Variants in BCAR3 observed in about 807,000 individuals in gnomAD.
BCAR3 encodes breast cancer anti-estrogen resistance protein 3.
Under a neutral mutation model 80.1 loss-of-function variants are expected in BCAR3, and 37 were observed. The observed-to-expected ratio is 0.46, with a 90% CI of 0.36 to 0.61. The LOEUF is 0.61. BCAR3 is among the 20% of genes least tolerant of loss of function. The pLI is 0.00. For missense variants in BCAR3, 978 were observed against 1,068.2 expected (o/e 0.92, Z 1.18); for synonymous variants, 389 against 418.9 (o/e 0.93, Z 0.87).
upstream of BCAR3, among the ~76,000 whole-genome samples, chr1:93,685,382 T>C (rs1648940650): frequency 6.6e-6 from 1 of 152,078 alleles, no homozygotes; most frequent in African/African-American, 2.4e-5. Flanking sequence ...TATGTGTGTG[T>C]GCGAGTGTTA....
intron 2 of BCAR3, among the ~76,000 whole-genome samples, chr1:93,769,355 ATGTG>A (rs59798936): frequency 0.098 from 11,699 of 119,722 alleles, 502 homozygotes; most frequent in South Asian, 0.12. Context: ...GTGGGTAGGA[ATGTG>A]TGTGTGTGTG....
At chr1:93,688,367 C>T (rs186438296) in intron 3 of BCAR3, among the ~76,000 whole-genome samples, 134 of 152,244 alleles carry the variant, frequency 8.8e-4, no homozygotes, top group African/African-American at 2.9e-3. Context: ...CTCTTATCAC[C>T]GGACTCTGGA....
At chr1:93,839,960 C>T (rs1654899186) in intron 2 of BCAR3, among the ~76,000 whole-genome samples, 1 of 152,082 alleles carries the variant, frequency 6.6e-6, no homozygotes, top group Non-Finnish European at 1.5e-5. Context: ...TAATCTGCTC[C>T]CAGGTCATGC....
chr1:93,627,533 C>T (rs891163050), intron 3 of BCAR3, among the ~76,000 whole-genome samples: 6 of 152,128 alleles, frequency 3.9e-5, no homozygotes, highest in African/African-American at 1.4e-4. Context: ...ACAGAGTGAA[C>T]ACCGAAGCAA....
intron 8 of BCAR3, among the ~76,000 whole-genome samples, chr1:93,575,003 T>C (rs1272246489): frequency 6.6e-6 from 1 of 152,212 alleles, no homozygotes; most frequent in African/African-American, 2.4e-5. Flanking sequence ...TTTTATCTGC[T>C]GTACAGCCGA....
rs1570902911 is a variant in BCAR3 at position 93,567,722 on chromosome 1, C to T, written c.2086+18G>A. On this transcript the variant is annotated intron_variant, in intron 10 of 11. Coordinates refer to ENST00000260502, the MANE Select transcript of BCAR3 (RefSeq NM_003567.4). Reference sequence around the variant, plus strand: ...CCCCAGCGGGGTAGCCCCATGCTTGCTCTGCCCACGTGCTCACCTCTGCCT... The same window carrying T: ...CCCCAGCGGGGTAGCCCCATGCTTGTTCTGCCCACGTGCTCACCTCTGCCT... The T allele has an allele frequency of 3.1e-6, 5 of 1,603,960 alleles. No individual in the cohort carries two copies. The East Asian group carries it at 1.1e-4, about 36-fold the overall frequency.
chr1:93,746,937 T>G (rs778349817), intron 2 of BCAR3, among the ~76,000 whole-genome samples: 36 of 152,198 alleles, frequency 2.4e-4, no homozygotes, highest in Non-Finnish European at 5.0e-4. Flanking sequence ...CAATCTCTTT[T>G]TATCTTGTTT....
chr1:93,735,027 G>A (rs181296880), intron 2 of BCAR3, among the ~76,000 whole-genome samples: 3 of 152,278 alleles, frequency 2.0e-5, no homozygotes, highest in Non-Finnish European at 1.5e-5. Context: ...TAACTGCTCT[G>A]TAAGCTCCTT....
chr1:93,787,868 T>C (rs1653005349), intron 2 of BCAR3, among the ~76,000 whole-genome samples: 1 of 152,240 alleles, frequency 6.6e-6, no homozygotes, highest in South Asian at 2.1e-4. Context: ...GTTCCTTTGT[T>C]GACGCTCTGT....
intron 3 of BCAR3, among the ~76,000 whole-genome samples, chr1:93,596,779 T>G (rs1384451782): frequency 2.6e-5 from 4 of 152,230 alleles, no homozygotes; most frequent in Admixed American, 6.5e-5. Context: ...CTTGTTTTTC[T>G]AGTGTTTTGT....
intron 4 of BCAR3, among the ~76,000 whole-genome samples, chr1:93,591,273 G>A (rs755510003): frequency 1.0e-4 from 15 of 149,778 alleles, no homozygotes; most frequent in Admixed American, 4.7e-4. Context: ...GCAGGAGTTC[G>A]AGACCAGCCT....
chr1:93,608,988 C>T (rs1674863995), intron 3 of BCAR3, among the ~76,000 whole-genome samples: 1 of 152,156 alleles, frequency 6.6e-6, no homozygotes, highest in South Asian at 2.1e-4. Context: ...TCACCAGTCC[C>T]CAAGCTGTCA....
intron 9 of BCAR3, among the ~76,000 whole-genome samples, chr1:93,570,614 AT>A (rs1197384875): frequency 3.3e-4 from 51 of 152,350 alleles, no homozygotes; most frequent in African/African-American, 1.1e-3. Flanking sequence ...TCTATGGCAG[AT>A]GGACCAGGAA....
intron 2 of BCAR3, 29 bp downstream of exon 2, chr1:93,674,585 A>G (rs756402476): frequency 3.7e-6 from 6 of 1,607,438 alleles, no homozygotes; most frequent in Non-Finnish European, 5.1e-6. Flanking sequence ...AAGACAAATC[A>G]TCTTCACTAG....
chr1:93,667,849 C>A (rs1647999676), intron 2 of BCAR3, among the ~76,000 whole-genome samples: 1 of 152,232 alleles, frequency 6.6e-6, no homozygotes, highest in African/African-American at 2.4e-5. Flanking sequence ...AGACCAATCC[C>A]CCTGAGGACA....
intron 2 of BCAR3, among the ~76,000 whole-genome samples, chr1:93,723,986 A>G (rs889315876): frequency 2.0e-5 from 3 of 152,258 alleles, no homozygotes; most frequent in Non-Finnish European, 4.4e-5. Flanking sequence ...TGGGGACCTC[A>G]TAGCAGTGCC....
At chr1:93,750,575 A>G (rs1482279462) in intron 2 of BCAR3, among the ~76,000 whole-genome samples, 3 of 152,174 alleles carry the variant, frequency 2.0e-5, no homozygotes, top group Non-Finnish European at 4.4e-5. Flanking sequence ...GAATGCCACA[A>G]CTTTCTGAGG....
At chr1:93,645,893 T>C (rs1676137965) in intron 2 of BCAR3, among the ~76,000 whole-genome samples, 1 of 152,054 alleles carries the variant, frequency 6.6e-6, no homozygotes, top group East Asian at 1.9e-4. Flanking sequence ...TTTCCTTTCA[T>C]ATGAAAATTT....
In BCAR3 at chr1:93,674,710, G is replaced by C. The variant is rs1648383480; in HGVS notation, c.221C>G (p.Pro74Arg). 1 of 1,613,946 alleles carries C rather than the reference G, an allele frequency of 6.2e-7. No individual in the cohort carries two copies. The highest frequency in any genetic ancestry group is 8.5e-7 in the Non-Finnish European group (1 of 1,180,012). ...GTTCTGCCGTGGGGATTTGGAGTGG[G>C]GGAGGGTGCCCATGTGACTGAAGTC... ...CDDFSHMGTLPHSKSPRQNSP... is the reference protein window; with the variant it reads ...CDDFSHMGTLRHSKSPRQNSP... Residue 74 changes from proline to arginine, a missense_variant, in exon 2 of 12, where the codon CCC (proline) becomes CGC (arginine). Physicochemically the swap from Pro to Arg is moderately radical, Grantham distance 103 (BLOSUM62 -2). Transcript: ENST00000260502.
Sources: gnomAD v4.1 joint callset for allele counts (sites outside exome capture counted in the v4.1 genomes callset) on GRCh38, gnomAD v4.1.1 for gene constraint, MANE v1.5 for transcripts, NCBI Gene and HGNC (gene_info 2026-07-23, HGNC 2026-07-21) for gene names.